KYNU: variants seen among roughly 807,000 people sequenced by gnomAD.
KYNU encodes the protein kynureninase.
In KYNU, 54 loss-of-function variants were observed where a neutral mutation model predicts 59.2. The observed-to-expected ratio is 0.91, with a 90% CI of 0.73 to 1.14. KYNU has a LOEUF of 1.14. KYNU is among the 50% of genes most tolerant of loss of function. The pLI is 0.00. For synonymous variants in KYNU, 177 were observed against 192.0 expected (o/e 0.92, Z 0.65); for missense variants, 567 against 554.4 (o/e 1.02, Z -0.23).
chr2:142,967,576 A>C (rs1349024398), intron 8 of KYNU: 1 of 152,196 alleles, frequency 6.6e-6, no homozygotes, highest in Non-Finnish European at 1.5e-5. Flanking sequence ...ATACGAATAA[A>C]GACATCATTA....
At chr2:142,974,123 G>A (rs1409697911) in intron 8 of KYNU, among the ~76,000 whole-genome samples, 1 of 152,204 alleles carries the variant, frequency 6.6e-6, no homozygotes, top group Non-Finnish European at 1.5e-5. Context: ...GTCTCACTCA[G>A]TTTAGAAGTC....
chr2:142,947,034 A>G, intron 4 of KYNU: 1 of 1,542,272 alleles, frequency 6.5e-7, no homozygotes, highest in Non-Finnish European at 8.8e-7. Flanking sequence ...TTGTGGGCTG[A>G]TTCTCACCTC....
intron 2 of KYNU, among the ~76,000 whole-genome samples, chr2:142,901,657 TAAG>T (rs1682092893): frequency 6.6e-6 from 1 of 152,174 alleles, no homozygotes; most frequent in South Asian, 2.1e-4. Flanking sequence ...GAGGACTAGG[TAAG>T]AATACTTTGA....
At chr2:142,928,998 A>G (rs1200090174) in intron 4 of KYNU, among the ~76,000 whole-genome samples, 2 of 96,690 alleles carry the variant, frequency 2.1e-5, no homozygotes, top group South Asian at 8.3e-4. Context: ...ACAGGGTGAC[A>G]CCCTGTCTCA....
rs778954709 is a variant in KYNU, at chr2:142,957,707, C to G, written c.574C>G (p.Pro192Ala). ...TGAAGAAAGTATGCGGATGATAAAG[C>G]CAAGAGAGGTATATGAGAAAGAAAG... Reference protein sequence around the residue: ...NIEESMRMIKPREGEETLRIE... With the variant: ...NIEESMRMIKAREGEETLRIE... The change falls in exon 7 of 14, where the codon CCA (proline) becomes GCA (alanine). Residue 192 changes from proline to alanine, a missense_variant. By Grantham distance (27) the Pro-to-Ala change is conservative. Coordinates refer to ENST00000264170, the MANE Select transcript of KYNU (RefSeq NM_003937.3). 11 of 1,590,456 alleles carry G rather than the reference C, an allele frequency of 6.9e-6. No homozygotes were observed. In the Admixed American group the frequency reaches 1.7e-4, roughly 24 times the overall value.
intron 4 of KYNU, among the ~76,000 whole-genome samples, chr2:142,942,053 T>C (rs1408032377): frequency 6.6e-6 from 1 of 151,458 alleles, no homozygotes; most frequent in Non-Finnish European, 1.5e-5. Context: ...GGTACATTCC[T>C]GTAGTCCCAG....
chr2:143,001,500 G>A (rs1685707477), intron 10 of KYNU, among the ~76,000 whole-genome samples: 2 of 152,178 alleles, frequency 1.3e-5, no homozygotes, highest in Admixed American at 1.3e-4. Flanking sequence ...AGTATCAACT[G>A]TAGAGTTGTT....
chr2:142,963,147 ATATTT>A (rs1472241468), intron 8 of KYNU, among the ~76,000 whole-genome samples: 2 of 152,214 alleles, frequency 1.3e-5, no homozygotes, highest in African/African-American at 4.8e-5. Context: ...ATTGTGAAAA[ATATTT>A]TAATTTAAGA....
intron 6 of KYNU, among the ~76,000 whole-genome samples, chr2:142,956,605 A>G (rs112214100): frequency 1.3e-5 from 2 of 152,330 alleles, no homozygotes; most frequent in South Asian, 2.1e-4. Flanking sequence ...AATCAAATCA[A>G]TACAAACCCC....
chr2:142,980,217 C>T (rs1198519923), intron 8 of KYNU, among the ~76,000 whole-genome samples: 1 of 144,200 alleles, frequency 6.9e-6, no homozygotes, highest in Non-Finnish European at 1.5e-5. Context: ...GCTTATAATG[C>T]TAATAATTAG....
At chr2:142,913,140 A>G (rs1207302835) in intron 2 of KYNU, among the ~76,000 whole-genome samples, 4 of 152,196 alleles carry the variant, frequency 2.6e-5, no homozygotes, top group Non-Finnish European at 5.9e-5. Context: ...ATCCTTTTAA[A>G]GAAACAGCTT....
At chr2:142,885,277 G>GT (rs758001371) in intron 1 of KYNU, 72 bp from the exon 2 acceptor site, 6 of 1,225,276 alleles carry the variant, frequency 4.9e-6, no homozygotes, top group Non-Finnish European at 7.1e-6. Flanking sequence ...AACAAAAGGT[G>GT]TATTACCTAA....
chr2:142,962,684 A>G (rs1280392633), intron 8 of KYNU, among the ~76,000 whole-genome samples: 1 of 152,246 alleles, frequency 6.6e-6, no homozygotes, highest in East Asian at 1.9e-4. Context: ...GAAGGTAGGA[A>G]TGAGCAGCTT....
chr2:142,949,578 C>T (rs538339060), intron 4 of KYNU, among the ~76,000 whole-genome samples: 28 of 152,332 alleles, frequency 1.8e-4, no homozygotes, highest in Admixed American at 3.9e-4. Flanking sequence ...TGTACCTTGG[C>T]CCCTTTCATC....
intron 10 of KYNU, among the ~76,000 whole-genome samples, chr2:143,019,629 A>G (rs1037544151): frequency 6.6e-6 from 1 of 152,000 alleles, no homozygotes; most frequent in Admixed American, 6.6e-5. Flanking sequence ...TTCTGTTGCT[A>G]TGTCCTTGTC....
rs963632493 is a variant in KYNU at position 142,881,656 on chromosome 2, T to C, written c.-19-3693T>C. 2.6e-5 allele frequency among the ~76,000 whole-genome samples: 4 copies of C among 152,188 alleles called. 1 individual carries two copies. The highest frequency in any genetic ancestry group is 4.4e-5 in the Non-Finnish European group (3 of 68,036). ...ATATTAAACATATCTTGTGATCCAA[T>C]ATTCCCCTAAGTTATACACTCAAAT... On this transcript the variant is annotated intron_variant, in intron 1 of 13. Transcript: ENST00000264170.
intron 2 of KYNU, among the ~76,000 whole-genome samples, chr2:142,894,358 T>C (rs7599405): frequency 0.55 from 84,039 of 152,064 alleles, 24,274 homozygotes; most frequent in African/African-American, 0.7. Flanking sequence ...ATTTCCTCAG[T>C]GCACCACCAG....
chr2:142,955,512 C>T lies in KYNU; in HGVS notation c.435+641C>T, dbSNP rs532721923. 7.2e-5 allele frequency among the ~76,000 whole-genome samples: 11 copies of T among 152,054 alleles called. No homozygotes were observed. In the East Asian group the frequency reaches 2.1e-3, roughly 29 times the overall value. ...GTTCAGATATCCCTGGATTTGACTC[C>T]CAGCTAAATTACATAATGCTTATTT... On this transcript the variant is annotated intron_variant, in intron 5 of 13. Coordinates refer to ENST00000264170, the MANE Select transcript of KYNU (RefSeq NM_003937.3).
At chr2:142,955,276 G>T (rs1337238844) in intron 5 of KYNU, among the ~76,000 whole-genome samples, 2 of 151,974 alleles carry the variant, frequency 1.3e-5, no homozygotes, top group African/African-American at 4.8e-5. Context: ...GGTTAAAAAA[G>T]ACTTGGAGTA....
Sources: allele counts gnomAD v4.1 joint callset (sites outside exome capture counted in the v4.1 genomes callset), GRCh38; gene constraint gnomAD v4.1.1; transcripts MANE v1.5; gene names NCBI Gene and HGNC (gene_info 2026-07-23, HGNC 2026-07-21).